The following UNC45A variants were observed in gnomAD, a reference collection of about 807,000 sequenced individuals.
UNC45A encodes the protein protein unc-45 homolog A.
In UNC45A, 78 loss-of-function variants were observed where a neutral mutation model predicts 103.2. The observed-to-expected ratio is 0.76, with a 90% CI of 0.63 to 0.91. The LOEUF (loss-of-function observed/expected upper bound fraction) is 0.91, where lower values mean the gene tolerates loss of function less well. Among genes scored for constraint, UNC45A ranks in the 40% least tolerant of loss-of-function variants. The pLI, the probability that UNC45A is intolerant of heterozygous loss-of-function variation, is 0.00. For missense variants in UNC45A, 1,193 were observed against 1,224.8 expected, an observed-to-expected ratio of 0.97 and a Z score of 0.39; for synonymous variants, 495 against 504.6, an observed-to-expected ratio of 0.98 and a Z score of 0.25.
chr15:90,952,977 G>C lies in UNC45A; in HGVS notation c.2352G>C (p.Met784Ile), dbSNP rs1429504249. 1 of 1,613,446 alleles carries C rather than the reference G, an allele frequency of 6.2e-7. No individual in the cohort carries two copies. The highest frequency in any genetic ancestry group is 1.7e-5 in the Admixed American group (1 of 60,004). The change falls in exon 18 of 20, where the codon ATG becomes ATC. Residue 784 changes from methionine (M) to isoleucine (I), a missense_variant. Transcript: ENST00000418476. ...EKAVPMIEGY[M>I]FEEHEMIRRA... is the part of the protein sequence containing the mutation. ...CTGTGCCCATGATAGAAGGCTACAT[G>C]TTTGAGGAGCATGAGATGATCCGCC...
chr15:90,950,650 G>T, intron 17 of UNC45A, 35 bp downstream of exon 17: 1 of 1,602,590 alleles, frequency 6.2e-7, no homozygotes, highest in South Asian at 1.1e-5. Flanking sequence ...CCTGGACCAG[G>T]CATCGGGATT....
At position 90,953,145 on chromosome 15, in the gene UNC45A, C is replaced by T. The variant is rs1368975599; in HGVS notation, c.2422-10C>T. On this transcript the variant is annotated splice_polypyrimidine_tract_variant and intron_variant, in intron 18 of 19. Transcript: ENST00000418476. ...AACTGACTTGGTCCACTCCTCACAT[C>T]TGGCCACAGGTGCAGGACCTCTTCG... 1.2e-6 allele frequency: 2 copies of T among 1,613,056 alleles called. No homozygotes were observed. The highest frequency in any genetic ancestry group is 1.7e-6 in the Non-Finnish European group (2 of 1,179,510).
intron 4 of UNC45A, 72 bp downstream of exon 4, chr15:90,936,532 A>G (rs2036032383): frequency 1.3e-6 from 2 of 1,521,996 alleles, no homozygotes; most frequent in South Asian, 2.6e-5. Flanking sequence ...GTGTAGACAC[A>G]GTTCTCCAGA....
chr15:90,944,203 G>A (rs914789229), intron 8 of UNC45A, among the ~76,000 whole-genome samples: 9 of 151,828 alleles, frequency 5.9e-5, no homozygotes, highest in South Asian at 4.2e-4. Flanking sequence ...TGGCCGACAT[G>A]GTGAAACCCC....
chr15:90,944,906 T>G lies in UNC45A; in HGVS notation c.1042T>G (p.Leu348Val). 6.2e-7 allele frequency: 1 copy of G among 1,612,072 alleles called. No individual in the cohort carries two copies. The highest frequency in any genetic ancestry group is 8.5e-7 in the Non-Finnish European group (1 of 1,179,902). The change falls in exon 9 of 20, where the codon TTG becomes GTG. Residue 348 changes from leucine (L) to valine (V), a missense_variant. By Grantham distance (32) the Leu-to-Val change is conservative (BLOSUM62 1). Transcript: ENST00000418476. ...TGTCTTTACAGGTCTGAAAAAGATT[T>G]TGGAAGTGGGGGGCTCTCTACAGGA... Reference protein sequence around the residue: ...WVIDQGLKKILEVGGSLQDPP... With the variant: ...WVIDQGLKKIVEVGGSLQDPP...
chr15:90,949,673 G>A lies in UNC45A; in HGVS notation c.2026G>A (p.Glu676Lys), dbSNP rs370193424. Residue 676 changes from glutamate to lysine, a missense_variant, in exon 15 of 20, where the codon GAA becomes AAA. Coordinates refer to ENST00000418476, the MANE Select transcript of UNC45A (RefSeq NM_018671.5). The part of the protein sequence containing the change: ...LLSRVFLALV[E>K]EVEDRGTVVA... ...CCACAGGGTCTTCTTGGCTTTAGTG[G>A]AAGAGGTAGAGGACCGAGGCACTGT... 2 of 1,614,188 alleles carry A rather than the reference G, an allele frequency of 1.2e-6. No individual in the cohort carries two copies. Among genetic ancestry groups the A allele is most frequent in the Non-Finnish European group, 1.7e-6 (2 of 1,180,038 alleles).
At chr15:90,936,110 C>G in intron 3 of UNC45A, 128 bp downstream of exon 3, 3 of 1,524,734 alleles carry the variant, frequency 2.0e-6, no homozygotes, top group Non-Finnish European at 2.6e-6. Context: ...TTCTTTCCCA[C>G]TGCCTCGGGC....
At position 90,950,592 on chromosome 15, in the gene UNC45A, G is replaced by T; in HGVS notation, c.2280G>T (p.Leu760=). 6.2e-7 allele frequency: 1 copy of T among 1,614,160 alleles called. No homozygotes were observed. The highest frequency in any genetic ancestry group is 1.1e-5 in the South Asian group (1 of 91,082). Residue 760 remains leucine, a synonymous_variant, in exon 17 of 20, where the codon CTG becomes CTT. Transcript: ENST00000418476. ...AGGCGCTCATGGCCCTAACAAACCT[G>T]GCTGGGATCAGCGAGAGGCTCCGGT... ...NFEALMALTN[L]AGISERLRQK...
At chr15:90,948,070 TC>T in intron 11 of UNC45A, 71 bp from the exon 12 acceptor site, 1 of 1,594,144 alleles carries the variant, frequency 6.3e-7, no homozygotes. Context: ...CCTTGGTTTT[TC>T]CCCCTTGGCC....
At chr15:90,935,824 T>C (rs2289619) in intron 2 of UNC45A, 119 bp downstream of exon 2, 597,420 of 1,549,598 alleles carry the variant, frequency 0.39, 120,387 homozygotes, top group African/African-American at 0.66. Context: ...TGCCAGATGT[T>C]TTTTGCACCT....
Position 90,940,398 on chromosome 15 carries a change from G to A in UNC45A, c.612G>A (p.Leu204=), listed in dbSNP as rs17853788. The change falls in exon 6 of 20, where the codon CTG becomes CTA. Residue 204 remains leucine (L), a synonymous_variant. Transcript: ENST00000418476. ...GGGTTCAGCTCTTGCAACGTTTACT[G>A]GACATGGGAGAGACTGACCTCATGC... ...SNGVQLLQRL[L]DMGETDLMLA... 1 of 1,614,072 alleles carries A rather than the reference G, an allele frequency of 6.2e-7. No homozygotes were observed. Among genetic ancestry groups the A allele is most frequent in the Non-Finnish European group, 8.5e-7 (1 of 1,180,030 alleles).
Position 90,935,363 on chromosome 15 carries a change from G to A in UNC45A, c.39G>A (p.Pro13=), listed in dbSNP as rs749066176. 4 of 1,599,300 alleles carry A rather than the reference G, an allele frequency of 2.5e-6. No homozygotes were observed. The highest frequency in any genetic ancestry group is 2.3e-5 in the East Asian group (1 of 44,026). The change falls in exon 1 of 20, where the codon CCG becomes CCA. Residue 13 remains proline (P), a synonymous_variant. Transcript: ENST00000418476. Reference sequence around the variant, plus strand: ...GTCCAGGGACCCCCGAGCCCCGGCCGGCCACCCCCGGGGTGCGTACCCAAC... The same window carrying A: ...GTCCAGGGACCCCCGAGCCCCGGCCAGCCACCCCCGGGGTGCGTACCCAAC... The part of the protein sequence containing the change: ...VSGPGTPEPR[P]ATPGASSVEQ...
intron 18 of UNC45A, 29 bp from the exon 19 acceptor site, chr15:90,953,126 C>G (rs1364582399): frequency 6.2e-7 from 1 of 1,613,010 alleles, no homozygotes; most frequent in South Asian, 1.1e-5. Flanking sequence ...ACCCAACTGA[C>G]TTGGTCCACT....
At position 90,953,292 on chromosome 15, in the gene UNC45A, C is replaced by T. The variant is rs1265139836; in HGVS notation, c.2559C>T (p.Cys853=). Residue 853 remains cysteine (C), a synonymous_variant, in exon 19 of 20, where the codon TGC becomes TGT. Transcript: ENST00000418476. The part of the protein sequence containing the change: ...AMLTSMRPTL[C]SRIPQVTTHW... ...TTACCTCCATGCGGCCCACGCTCTG[C>T]AGCCGCATTCCCCAAGTGGTCAGTG... The T allele has an allele frequency of 1.2e-6, 2 of 1,609,998 alleles. No homozygotes were observed. The highest frequency in any genetic ancestry group is 1.7e-5 in the Admixed American group (1 of 59,750).
At chr15:90,938,524 C>T (rs367750344) in intron 4 of UNC45A, among the ~76,000 whole-genome samples, 43 of 152,054 alleles carry the variant, frequency 2.8e-4, no homozygotes, top group East Asian at 1.9e-3. Context: ...AGCAGGGGAA[C>T]GTGCCATGAC....
At chr15:90,937,837 T>C (rs1358767404) in intron 4 of UNC45A, among the ~76,000 whole-genome samples, 2 of 152,170 alleles carry the variant, frequency 1.3e-5, no homozygotes, top group African/African-American at 4.8e-5. Flanking sequence ...TTTATGTATT[T>C]TGAGACGGGG....
rs980397527 is a variant in UNC45A at position 90,940,400 on chromosome 15, A to C, written c.614A>C (p.Asp205Ala). The C allele has an allele frequency of 1.9e-5, 31 of 1,614,064 alleles. No homozygotes were observed. Among genetic ancestry groups the C allele is most frequent in the Non-Finnish European group, 2.6e-5 (31 of 1,180,014 alleles). The change falls in exon 6 of 20, where the codon GAC (aspartate) becomes GCC (alanine). Residue 205 changes from aspartate (D) to alanine (A), a missense_variant. Transcript: ENST00000418476. ...GTTCAGCTCTTGCAACGTTTACTGG[A>C]CATGGGAGAGACTGACCTCATGCTG... ...NGVQLLQRLLDMGETDLMLAA... is the reference protein window; with the variant it reads ...NGVQLLQRLLAMGETDLMLAA...
rs764877838 is a variant in UNC45A at position 90,943,016 on chromosome 15, A to G, written c.961A>G (p.Lys321Glu). 2 of 1,614,214 alleles carry G rather than the reference A, an allele frequency of 1.2e-6. No individual in the cohort carries two copies. The highest frequency in any genetic ancestry group is 1.7e-6 in the Non-Finnish European group (2 of 1,180,032). ...GRDNALTLLI[K>E]AVPRKSLKDP... is the part of the protein sequence containing the mutation. ...AGACAATGCCCTGACCCTCCTGATT[A>G]AAGCGGTGCCCCGGAAGTCTCTCAA... is the stretch of plus-strand genomic sequence containing the variant. The change falls in exon 8 of 20, where the codon AAA becomes GAA. Residue 321 changes from lysine to glutamate, a missense_variant. Lys to Glu is a moderately conservative substitution (Grantham distance 56, BLOSUM62 1). Coordinates refer to ENST00000418476, the MANE Select transcript of UNC45A (RefSeq NM_018671.5).
At chr15:90,948,875 CTTT>C (rs5814443) in intron 13 of UNC45A, 81 bp downstream of exon 13, 29,741 of 969,386 alleles carry the variant, frequency 0.031, 11 homozygotes, top group South Asian at 0.058. Flanking sequence ...AACAACCTCC[CTTT>C]TTTTTTTTTT....
Sources: gnomAD v4.1 joint callset for allele counts (sites outside exome capture counted in the v4.1 genomes callset) on GRCh38, gnomAD v4.1.1 for gene constraint, MANE v1.5 for transcripts, NCBI Gene and HGNC (gene_info 2026-07-23, HGNC 2026-07-21) for gene names.